The following TBCA variants were observed in gnomAD, a reference collection of about 807,000 sequenced individuals.
The protein encoded by TBCA is tubulin folding cofactor A.
In TBCA, 6 loss-of-function variants were observed where a neutral mutation model predicts 15.8. That is an observed-to-expected ratio of 0.38 (90% CI 0.21 to 0.75). TBCA has a LOEUF of 0.75. Ranked by LOEUF, TBCA falls within the 30% of genes least tolerant of loss-of-function variation. The pLI is 0.46. For synonymous variants in TBCA, 32 were observed against 42.3 expected (o/e 0.76, Z 0.94); for missense variants, 90 against 131.2 (o/e 0.69, Z 1.53).
intron 1 of TBCA, among the ~76,000 whole-genome samples, chr5:77,737,144 A>G (rs1031110043): frequency 6.6e-6 from 1 of 152,234 alleles, no homozygotes; most frequent in African/African-American, 2.4e-5. Context: ...AGTTTAGGAC[A>G]TAATAAATAT....
chr5:77,761,625 T>C (rs1456912403), intron 1 of TBCA, among the ~76,000 whole-genome samples: 1 of 151,044 alleles, frequency 6.6e-6, no homozygotes, highest in Non-Finnish European at 1.5e-5. Context: ...CACCCAAGAA[T>C]GATCAATAAA....
At chr5:77,720,612 G>A (rs917218091) in intron 1 of TBCA, among the ~76,000 whole-genome samples, 2 of 152,078 alleles carry the variant, frequency 1.3e-5, no homozygotes, top group Non-Finnish European at 2.9e-5. Context: ...TACTTGGGAG[G>A]CTGAGGTAGG....
At chr5:77,724,797 T>C (rs902783355) in intron 1 of TBCA, among the ~76,000 whole-genome samples, 2 of 152,306 alleles carry the variant, frequency 1.3e-5, no homozygotes, top group Middle Eastern at 3.4e-3. Context: ...TTTGCCCTGA[T>C]ACACTTCAGG....
chr5:77,704,555 G>C (rs145386197), intron 2 of TBCA, among the ~76,000 whole-genome samples: 41 of 152,254 alleles, frequency 2.7e-4, no homozygotes, highest in African/African-American at 9.6e-4. Flanking sequence ...TGCAGCACTT[G>C]GCTGTCTTGA....
At chr5:77,740,946 GA>G (rs759803605) in intron 1 of TBCA, among the ~76,000 whole-genome samples, 1 of 152,080 alleles carries the variant, frequency 6.6e-6, no homozygotes, top group Non-Finnish European at 1.5e-5. Context: ...AAATAACAGA[GA>G]AAAGAGTCAA....
At chr5:77,734,268 T>C (rs1263524968) in intron 1 of TBCA, among the ~76,000 whole-genome samples, 4 of 152,224 alleles carry the variant, frequency 2.6e-5, no homozygotes. Flanking sequence ...TCTTATTATT[T>C]AAGAAATACA....
At chr5:77,710,132 A>G (rs774698031) in intron 1 of TBCA, among the ~76,000 whole-genome samples, 1 of 152,214 alleles carries the variant, frequency 6.6e-6, no homozygotes, top group Non-Finnish European at 1.5e-5. Context: ...AGTAAACTGT[A>G]GACTTAAAAT....
intron 1 of TBCA, among the ~76,000 whole-genome samples, chr5:77,719,914 A>C (rs1746489949): frequency 6.6e-6 from 1 of 152,014 alleles, no homozygotes; most frequent in Non-Finnish European, 1.5e-5. Context: ...AAGCAATAGC[A>C]CCTCCCACAG....
chr5:77,741,264 TA>T (rs1304161431), intron 1 of TBCA, among the ~76,000 whole-genome samples: 1 of 152,160 alleles, frequency 6.6e-6, no homozygotes, highest in Non-Finnish European at 1.5e-5. Context: ...GTTGTTTCTG[TA>T]AGATAAAAGT....
At chr5:77,713,034 C>T (rs1746318684) in intron 1 of TBCA, among the ~76,000 whole-genome samples, 1 of 152,078 alleles carries the variant, frequency 6.6e-6, no homozygotes, top group South Asian at 2.1e-4. Context: ...CGGCTCACAC[C>T]TGTAATCCCA....
intron 1 of TBCA, among the ~76,000 whole-genome samples, chr5:77,760,355 A>G (rs1171965270): frequency 6.6e-6 from 1 of 152,174 alleles, no homozygotes; most frequent in Non-Finnish European, 1.5e-5. Context: ...AATTATTTCA[A>G]TTAATACTCT....
intron 1 of TBCA, among the ~76,000 whole-genome samples, chr5:77,773,313 T>G (rs1159222755): frequency 6.6e-6 from 1 of 150,746 alleles, no homozygotes; most frequent in Non-Finnish European, 1.5e-5. Context: ...GCATTGCCAC[T>G]AACTAGTAGT....
intron 1 of TBCA, among the ~76,000 whole-genome samples, chr5:77,745,082 T>C (rs1747154323): frequency 6.6e-6 from 1 of 152,198 alleles, no homozygotes; most frequent in African/African-American, 2.4e-5. Flanking sequence ...GCTTAGCTAA[T>C]GTAGATAACG....
At chr5:77,718,956 A>G (rs1224894359) in intron 1 of TBCA, among the ~76,000 whole-genome samples, 2 of 152,188 alleles carry the variant, frequency 1.3e-5, no homozygotes, top group African/African-American at 4.8e-5. Flanking sequence ...TCCTTTGTCT[A>G]TGTATCTTCA....
chr5:77,756,776 G>C lies in TBCA; in HGVS notation c.53+19429C>G, dbSNP rs1747486383. On this transcript the variant is annotated intron_variant, in intron 1 of 3. Transcript: ENST00000380377. ...CTCTGGAACCCCCGAAAGCCAAAGA[G>C]ATCAGGTAATGCAATATGGGAAAGC... Among the ~76,000 whole-genome samples the C allele has an allele frequency of 2.0e-5, 3 of 152,152 alleles. No homozygotes were observed. The South Asian group carries it at 6.2e-4, about 32-fold the overall frequency.
At chr5:77,732,506 G>A (rs372913868) in intron 1 of TBCA, among the ~76,000 whole-genome samples, 19 of 140,918 alleles carry the variant, frequency 1.3e-4, no homozygotes, top group African/African-American at 4.3e-4. Flanking sequence ...AGCAGAGATC[G>A]TGCCACTGCA....
intron 1 of TBCA, among the ~76,000 whole-genome samples, chr5:77,772,450 A>T (rs1747937756): frequency 6.6e-6 from 1 of 152,116 alleles, no homozygotes; most frequent in Non-Finnish European, 1.5e-5. Context: ...CGTTCAGCAC[A>T]TGTATCCCAG....
chr5:77,742,596 G>T (rs1747068467), intron 1 of TBCA, among the ~76,000 whole-genome samples: 1 of 152,146 alleles, frequency 6.6e-6, no homozygotes. Context: ...GGCCTGAAAG[G>T]GTAATGACAT....
intron 1 of TBCA, among the ~76,000 whole-genome samples, chr5:77,709,255 T>C (rs1204787447): frequency 6.6e-6 from 1 of 152,198 alleles, no homozygotes; most frequent in Non-Finnish European, 1.5e-5. Context: ...AGTATTTACT[T>C]ACTAAAGTAA....
Sources: allele counts gnomAD v4.1 joint callset (sites outside exome capture counted in the v4.1 genomes callset), GRCh38; gene constraint gnomAD v4.1.1; transcripts MANE v1.5; gene names NCBI Gene and HGNC (gene_info 2026-07-23, HGNC 2026-07-21).